The following HTR1E variants were observed in gnomAD, a reference collection of about 807,000 sequenced individuals.
HTR1E encodes the protein 5-HT-1E.
HTR1E carries 3 observed loss-of-function variants against 3.4 expected under a neutral mutation model. That is an observed-to-expected ratio of 0.89 (90% CI 0.41 to 2.31). The LOEUF (loss-of-function observed/expected upper bound fraction) is 2.31, where lower values mean the gene tolerates loss of function less well. Among genes scored for constraint, HTR1E ranks in the 30% most tolerant of loss-of-function variants. The pLI, the probability that HTR1E is intolerant of heterozygous loss-of-function variation, is 0.05. For synonymous variants in HTR1E, 170 were observed against 182.8 expected (o/e 0.93, Z 0.56); for missense variants, 392 against 467.0 (o/e 0.84, Z 1.48).
At chr6:87,007,206 T>C (rs1768125000) in intron 1 of HTR1E, among the ~76,000 whole-genome samples, 1 of 152,204 alleles carries the variant, frequency 6.6e-6, no homozygotes, top group Non-Finnish European at 1.5e-5. Flanking sequence ...TTATGTTAAG[T>C]GAAATAAGCC....
chr6:86,980,318 C>T (rs1463946853), intron 1 of HTR1E, among the ~76,000 whole-genome samples: 1 of 150,262 alleles, frequency 6.7e-6, no homozygotes, highest in Non-Finnish European at 1.5e-5. Flanking sequence ...ACCCGGGAGG[C>T]GGAGCTTGCA....
At chr6:86,988,970 T>A (rs909344266) in intron 1 of HTR1E, among the ~76,000 whole-genome samples, 2 of 152,134 alleles carry the variant, frequency 1.3e-5, no homozygotes, top group African/African-American at 4.8e-5. Flanking sequence ...AAAGTGAAAG[T>A]AAATTTGGGA....
intron 1 of HTR1E, among the ~76,000 whole-genome samples, chr6:86,953,813 T>C (rs745310143): frequency 6.6e-6 from 1 of 152,134 alleles, no homozygotes; most frequent in Non-Finnish European, 1.5e-5. Context: ...TACAGAAAGA[T>C]TGGCTGGGGA....
chr6:86,951,946 T>A (rs1312513868), intron 1 of HTR1E, among the ~76,000 whole-genome samples: 3 of 152,164 alleles, frequency 2.0e-5, no homozygotes, highest in Non-Finnish European at 4.4e-5. Context: ...TTTTATACTG[T>A]TGTTAAGAAA....
chr6:87,003,397 G>C (rs1405490484), intron 1 of HTR1E, among the ~76,000 whole-genome samples: 2 of 152,060 alleles, frequency 1.3e-5, no homozygotes, highest in African/African-American at 2.4e-5. Flanking sequence ...AAATTAGCTG[G>C]CCATGGTAGC....
At chr6:86,964,368 A>G (rs1002873877) in intron 1 of HTR1E, among the ~76,000 whole-genome samples, 2 of 152,234 alleles carry the variant, frequency 1.3e-5, no homozygotes, top group South Asian at 4.1e-4. Flanking sequence ...TGTTGTGGCT[A>G]TATTTAGTAA....
chr6:87,012,605 G>A (rs1582286918), intron 1 of HTR1E, among the ~76,000 whole-genome samples: 2 of 152,140 alleles, frequency 1.3e-5, no homozygotes, highest in East Asian at 3.8e-4. Context: ...ATTTTTAATA[G>A]GCTTTTATTA....
chr6:86,982,199 C>T (rs4707336), intron 1 of HTR1E, among the ~76,000 whole-genome samples: 31,873 of 152,128 alleles, frequency 0.21, 3,850 homozygotes, highest in African/African-American at 0.32. Context: ...TTCCTGTAGG[C>T]ATCTACCTCC....
At chr6:86,975,945 A>ACT (rs1472696270) in intron 1 of HTR1E, among the ~76,000 whole-genome samples, 12 of 141,570 alleles carry the variant, frequency 8.5e-5, no homozygotes, top group African/African-American at 3.2e-4. Flanking sequence ...ACACACACAC[A>ACT]CACTCTCTCT....
intron 1 of HTR1E, among the ~76,000 whole-genome samples, chr6:87,009,105 A>G (rs973118124): frequency 2.7e-5 from 4 of 147,328 alleles, no homozygotes; most frequent in African/African-American, 1.0e-4. Context: ...GGTGTTTCTC[A>G]CAGAGGGGGA....
At chr6:87,014,947 G>C (rs1290674001) in intron 1 of HTR1E, among the ~76,000 whole-genome samples, 1 of 151,684 alleles carries the variant, frequency 6.6e-6, no homozygotes, top group East Asian at 1.9e-4. Context: ...AGAACTTAAA[G>C]TATAATTTAA....
At chr6:86,967,458 G>C (rs1767486383) in intron 1 of HTR1E, among the ~76,000 whole-genome samples, 1 of 152,220 alleles carries the variant, frequency 6.6e-6, no homozygotes, top group East Asian at 1.9e-4. Context: ...TAAAAGGTGT[G>C]ATTCAATGGA....
At chr6:86,990,470 GA>G (rs1767857532) in intron 1 of HTR1E, among the ~76,000 whole-genome samples, 1 of 152,020 alleles carries the variant, frequency 6.6e-6, no homozygotes, top group African/African-American at 2.4e-5. Flanking sequence ...CAGGACAAAC[GA>G]AAACAGTCTA....
At chr6:86,975,281 T>C (rs1767614397) in intron 1 of HTR1E, among the ~76,000 whole-genome samples, 1 of 152,324 alleles carries the variant, frequency 6.6e-6, no homozygotes, top group East Asian at 1.9e-4. Context: ...TTTCCAATAG[T>C]GAAAAACCTG....
intron 1 of HTR1E, among the ~76,000 whole-genome samples, chr6:87,014,929 T>G (rs1238880325): frequency 1.3e-5 from 2 of 152,086 alleles, no homozygotes; most frequent in African/African-American, 4.8e-5. Flanking sequence ...GTTCTGCACA[T>G]GTATCCCAGA....
intron 1 of HTR1E, among the ~76,000 whole-genome samples, chr6:87,011,471 G>A: frequency 6.6e-6 from 1 of 152,180 alleles, no homozygotes; most frequent in East Asian, 1.9e-4. Context: ...GAGTTGATCA[G>A]GAATGCTCCA....
At chr6:86,977,343 A>G (rs1767652388) in intron 1 of HTR1E, among the ~76,000 whole-genome samples, 1 of 152,168 alleles carries the variant, frequency 6.6e-6, no homozygotes, top group South Asian at 2.1e-4. Flanking sequence ...AGCTCCATCC[A>G]TGTTGCTACA....
intron 1 of HTR1E, among the ~76,000 whole-genome samples, chr6:87,014,499 A>C (rs1768286562): frequency 6.6e-6 from 1 of 152,164 alleles, no homozygotes; most frequent in Admixed American, 6.5e-5. Context: ...CTAAAGACAC[A>C]TGGACATGTA....
intron 1 of HTR1E, among the ~76,000 whole-genome samples, chr6:86,956,080 C>A (rs1003891943): frequency 1.3e-5 from 2 of 152,150 alleles, no homozygotes; most frequent in African/African-American, 4.8e-5. Flanking sequence ...CAAAGAGATT[C>A]TTTGTGGCAA....
Sources: allele counts gnomAD v4.1 joint callset (sites outside exome capture counted in the v4.1 genomes callset), GRCh38; gene constraint gnomAD v4.1.1; transcripts MANE v1.5; gene names NCBI Gene and HGNC (gene_info 2026-07-23, HGNC 2026-07-21).